Variants in PLA2G10 observed in about 807,000 individuals in gnomAD.
PLA2G10 encodes phospholipase A2 group X.
A neutral mutation model predicts 7.9 loss-of-function variants in PLA2G10; 9 were observed. The observed-to-expected ratio is 1.14, with a 90% CI of 0.68 to 1.98. The LOEUF is 1.98. PLA2G10 is among the 30% of genes most tolerant of loss of function. The pLI is 0.00. For synonymous variants in PLA2G10, 19 were observed against 27.5 expected (o/e 0.69, Z 0.97); for missense variants, 53 against 65.4 (o/e 0.81, Z 0.66).
intron 3 of PLA2G10, among the ~76,000 whole-genome samples, chr16:14,687,788 G>A (rs1035504535): frequency 4.6e-5 from 7 of 151,700 alleles, no homozygotes; most frequent in African/African-American, 1.5e-4. Flanking sequence ...CTTGAGGTGG[G>A]GAGTTTGAGA....
intron 3 of PLA2G10, among the ~76,000 whole-genome samples, chr16:14,682,855 G>A (rs1960930206): frequency 6.6e-6 from 1 of 152,108 alleles, no homozygotes; most frequent in African/African-American, 2.4e-5. Context: ...GATCACCTGA[G>A]GTTAGGAGTT....
intron 3 of PLA2G10, among the ~76,000 whole-genome samples, chr16:14,678,073 C>G (rs1025837270): frequency 6.6e-6 from 1 of 152,150 alleles, no homozygotes; most frequent in Admixed American, 6.6e-5. Context: ...TTTCCATGGG[C>G]TGCTGCACAA....
intron 3 of PLA2G10, among the ~76,000 whole-genome samples, chr16:14,679,712 A>AGGTG (rs1378598785): frequency 6.6e-6 from 1 of 150,608 alleles, no homozygotes; most frequent in Non-Finnish European, 1.5e-5. Flanking sequence ...TTAGCTCAGC[A>AGGTG]TGGTGGCACG....
At chr16:14,686,940 T>C (rs772079833) in intron 3 of PLA2G10, among the ~76,000 whole-genome samples, 4 of 151,944 alleles carry the variant, frequency 2.6e-5, no homozygotes, top group Admixed American at 6.6e-5. Flanking sequence ...ACCTCATCTC[T>C]ACTAAAAATA....
intron 3 of PLA2G10, among the ~76,000 whole-genome samples, chr16:14,679,638 C>A (rs1325636342): frequency 2.1e-5 from 3 of 140,096 alleles, no homozygotes; most frequent in Non-Finnish European, 3.0e-5. Flanking sequence ...CCAGCCTGGG[C>A]AACAAGAGCA....
chr16:14,675,442 G>A (rs1295200404), intron 3 of PLA2G10, among the ~76,000 whole-genome samples: 1 of 151,944 alleles, frequency 6.6e-6, no homozygotes, highest in Non-Finnish European at 1.5e-5. Context: ...GACCCCAAAA[G>A]CAAATGCAAC....
At position 14,686,326 on chromosome 16, in the gene PLA2G10, C is replaced by CG. The variant is rs149988510; in HGVS notation, c.355+1838_355+1839insC. On this transcript the variant is annotated intron_variant, in intron 3 of 3. Coordinates refer to ENST00000438167, the MANE Select transcript of PLA2G10 (RefSeq NM_003561.3). The stretch of plus-strand genomic sequence containing the variant: ...AGAAAATAGAAAAAAAGGGATGGAA[C>CG]TAGTGGTCTGGATCATGACTAGCTC... 1.6e-4 allele frequency among the ~76,000 whole-genome samples: 25 copies of CG among 152,152 alleles called. No homozygotes were observed. In the East Asian group the frequency reaches 4.8e-3, roughly 29 times the overall value.
chr16:14,679,440 T>C (rs972744128), intron 3 of PLA2G10, among the ~76,000 whole-genome samples: 16 of 151,838 alleles, frequency 1.1e-4, no homozygotes, highest in Non-Finnish European at 2.4e-4. Flanking sequence ...GGCGGGCAGT[T>C]CACAAGGTCA....
At chr16:14,683,548 A>T (rs1283659610) in intron 3 of PLA2G10, among the ~76,000 whole-genome samples, 2 of 152,020 alleles carry the variant, frequency 1.3e-5, no homozygotes, top group Non-Finnish European at 2.9e-5. Flanking sequence ...GATTTTCAGC[A>T]AAGGTAGCAG....
intron 3 of PLA2G10, among the ~76,000 whole-genome samples, chr16:14,673,018 T>C (rs1354633317): frequency 6.9e-6 from 1 of 144,342 alleles, no homozygotes; most frequent in Non-Finnish European, 1.5e-5. Context: ...TTTCTTTTCT[T>C]TTTTTTTTTT....
At chr16:14,677,616 T>C (rs1378502536) in intron 3 of PLA2G10, among the ~76,000 whole-genome samples, 1 of 152,094 alleles carries the variant, frequency 6.6e-6, no homozygotes, top group Non-Finnish European at 1.5e-5. Flanking sequence ...CTGCCCGCCT[T>C]AGCCTCCTAA....
intron 3 of PLA2G10, 112 bp downstream of exon 3, chr16:14,688,053 A>G (rs1248235642): frequency 5.4e-6 from 3 of 551,328 alleles, no homozygotes; most frequent in Non-Finnish European, 9.9e-6. Context: ...GGGGTGGTCT[A>G]TAGAGACTTG....
chr16:14,676,311 T>A (rs893020006), intron 3 of PLA2G10, among the ~76,000 whole-genome samples: 4 of 152,164 alleles, frequency 2.6e-5, no homozygotes, highest in African/African-American at 9.7e-5. Flanking sequence ...CGTGCGCGCA[T>A]TTGTTTATCA....
intron 3 of PLA2G10, among the ~76,000 whole-genome samples, chr16:14,676,414 C>A (rs942146970): frequency 6.6e-6 from 1 of 152,226 alleles, no homozygotes; most frequent in Non-Finnish European, 1.5e-5. Context: ...GGTGCAGTGG[C>A]TCACGCCTAT....
intron 3 of PLA2G10, among the ~76,000 whole-genome samples, chr16:14,677,029 G>A (rs1392404136): frequency 1.3e-5 from 2 of 152,114 alleles, no homozygotes; most frequent in African/African-American, 4.8e-5. Context: ...TGGGTGATGG[G>A]TGCACTAAAA....
intron 3 of PLA2G10, among the ~76,000 whole-genome samples, chr16:14,687,864 T>TCAC (rs1400514460): frequency 6.6e-6 from 1 of 151,696 alleles, no homozygotes; most frequent in East Asian, 2.0e-4. Flanking sequence ...CTGGGCGTGA[T>TCAC]GGTGCATGCC....
intron 3 of PLA2G10, among the ~76,000 whole-genome samples, chr16:14,680,425 C>T (rs1960858209): frequency 6.6e-6 from 1 of 152,022 alleles, no homozygotes; most frequent in Non-Finnish European, 1.5e-5. Context: ...GGGTCTCACT[C>T]TGTCACCCAG....
chr16:14,678,307 TC>T (rs1359244531), intron 3 of PLA2G10, among the ~76,000 whole-genome samples: 1 of 152,086 alleles, frequency 6.6e-6, no homozygotes, highest in African/African-American at 2.4e-5. Flanking sequence ...TGCAGTTCCA[TC>T]CAGCCAGATT....
chr16:14,678,733 G>C, intron 3 of PLA2G10: 1 of 399,322 alleles, frequency 2.5e-6, no homozygotes, highest in Non-Finnish European at 5.0e-6. Context: ...TCACACCACT[G>C]CACTCCAGCC....
Sources: allele counts gnomAD v4.1 joint callset (sites outside exome capture counted in the v4.1 genomes callset), GRCh38; gene constraint gnomAD v4.1.1; transcripts MANE v1.5; gene names NCBI Gene and HGNC (gene_info 2026-07-23, HGNC 2026-07-21).